The following BMP2K variants were observed in gnomAD, a reference collection of about 807,000 sequenced individuals.
The protein encoded by BMP2K is BMP-2-inducible protein kinase.
BMP2K carries 74 observed loss-of-function variants against 116.0 expected under a neutral mutation model. The observed-to-expected ratio is 0.64, with a 90% confidence interval of 0.53 to 0.77. The LOEUF (loss-of-function observed/expected upper bound fraction) is 0.77. Among genes scored for constraint, BMP2K ranks in the 30% least tolerant of loss-of-function variants. The pLI is 0.00. For synonymous variants in BMP2K, 486 were observed against 502.5 expected (o/e 0.97, Z 0.44); for missense variants, 1,365 against 1,403.6 (o/e 0.97, Z 0.44).
chr4:78,778,893 A>G (rs925511724), intron 1 of BMP2K, among the ~76,000 whole-genome samples: 5 of 152,242 alleles, frequency 3.3e-5, no homozygotes, highest in Non-Finnish European at 5.9e-5. Context: ...GCAAAGCGGT[A>G]GAAGCTAAGA....
At chr4:78,788,843 C>T (rs1727863212) in intron 1 of BMP2K, among the ~76,000 whole-genome samples, 2 of 150,332 alleles carry the variant, frequency 1.3e-5, no homozygotes, top group Admixed American at 1.3e-4. Context: ...CTTGAGAAAC[C>T]CTTATATACA....
intron 3 of BMP2K, among the ~76,000 whole-genome samples, chr4:78,835,434 G>A (rs1397150971): frequency 6.6e-6 from 1 of 151,796 alleles, no homozygotes; most frequent in South Asian, 2.1e-4. Flanking sequence ...GACCATCCTG[G>A]CTAACACGGT....
chr4:78,894,054 G>C (rs1733576589), intron 15 of BMP2K, among the ~76,000 whole-genome samples: 1 of 152,142 alleles, frequency 6.6e-6, no homozygotes, highest in Admixed American at 6.5e-5. Context: ...TTCAAGAGTG[G>C]GTTTCAAATA....
Position 78,878,832 on chromosome 4 carries a change from A to C in BMP2K, c.1892A>C (p.Asn631Thr), listed in dbSNP as rs750243768. The change falls in exon 14 of 16, where the codon AAT becomes ACT. Residue 631 changes from asparagine (N) to threonine (T), a missense_variant. Transcript: ENST00000502613. ...MSGWNPFGED[N>T]FSKLTEEELL... ...GGGTGGAATCCTTTTGGAGAGGATA[A>C]TTTCTCTAAGTTAACAGAAGAGGAA... 8.1e-6 allele frequency: 13 copies of C among 1,613,434 alleles called. No individual in the cohort carries two copies. The highest frequency in any genetic ancestry group is 1.1e-5 in the Non-Finnish European group (13 of 1,179,796).
chr4:78,839,868 G>T (rs1433204853), intron 3 of BMP2K, among the ~76,000 whole-genome samples: 2 of 152,054 alleles, frequency 1.3e-5, no homozygotes, highest in African/African-American at 2.4e-5. Context: ...CAGCTGATTA[G>T]ATTGTGCCCA....
intron 8 of BMP2K, chr4:78,860,158 A>T: frequency 4.3e-6 from 2 of 465,258 alleles, no homozygotes; most frequent in Admixed American, 5.4e-5. Flanking sequence ...ATAGATATAG[A>T]CAGTGGAGTA....
At chr4:78,848,400 G>A (rs1188722838) in intron 6 of BMP2K, among the ~76,000 whole-genome samples, 1 of 151,520 alleles carries the variant, frequency 6.6e-6, no homozygotes, top group East Asian at 1.9e-4. Flanking sequence ...TTATAATGTA[G>A]AAAGCAAATT....
Position 78,843,774 on chromosome 4 carries a change from A to AT in BMP2K, c.547-1148dup, listed in dbSNP as rs551828560. Among the ~76,000 whole-genome samples the AT allele has an allele frequency of 5.8e-4, 88 of 151,472 alleles. No individual in the cohort carries two copies. In the Middle Eastern group the frequency reaches 0.01, roughly 18 times the overall value. Reference sequence around the variant, plus strand: ...CCATTTCCCCTAATAATTTGATACCATTTTTTGTGCTATTATAGTTCATTA... The same window carrying AT: ...CCATTTCCCCTAATAATTTGATACCATTTTTTTGTGCTATTATAGTTCATTA... On this transcript the variant is annotated intron_variant, in intron 4 of 15. Transcript: ENST00000502613.
intron 9 of BMP2K, among the ~76,000 whole-genome samples, chr4:78,863,551 A>G (rs1731897675): frequency 6.6e-6 from 1 of 152,154 alleles, no homozygotes; most frequent in African/African-American, 2.4e-5. Flanking sequence ...GGAAACATTG[A>G]AGGATTTTAA....
intron 15 of BMP2K, among the ~76,000 whole-genome samples, chr4:78,893,854 A>G (rs1733568448): frequency 6.6e-6 from 1 of 152,200 alleles, no homozygotes; most frequent in Non-Finnish European, 1.5e-5. Flanking sequence ...GTGAGCCACC[A>G]AGCCCAGCTA....
At chr4:78,850,823 G>A (rs1731214728) in intron 6 of BMP2K, 101 bp from the exon 7 acceptor site, 4 of 1,229,132 alleles carry the variant, frequency 3.3e-6, no homozygotes, top group African/African-American at 1.5e-5. Context: ...GATTGCTGCA[G>A]TATAGAAACA....
chr4:78,829,785 C>CT (rs1178553443), intron 2 of BMP2K, among the ~76,000 whole-genome samples: 1 of 116,206 alleles, frequency 8.6e-6, no homozygotes, highest in African/African-American at 3.8e-5. Context: ...CTTTTCTTTT[C>CT]TTTTCTCTTC....
chr4:78,824,310 C>T (rs1018923555), intron 1 of BMP2K, among the ~76,000 whole-genome samples: 1 of 152,186 alleles, frequency 6.6e-6, no homozygotes, highest in Non-Finnish European at 1.5e-5. Context: ...GGCATACCCA[C>T]AACTGGGTAA....
chr4:78,893,835 G>T (rs1240813920), intron 15 of BMP2K, among the ~76,000 whole-genome samples: 1 of 152,172 alleles, frequency 6.6e-6, no homozygotes, highest in East Asian at 1.9e-4. Context: ...GAGTAGCTGG[G>T]ATTATAGTGT....
At chr4:78,807,756 T>C (rs569139379) in intron 1 of BMP2K, among the ~76,000 whole-genome samples, 2 of 151,058 alleles carry the variant, frequency 1.3e-5, no homozygotes, top group South Asian at 4.2e-4. Flanking sequence ...TTCTTTAATG[T>C]CAATAGTAAT....
intron 1 of BMP2K, among the ~76,000 whole-genome samples, chr4:78,798,235 G>C (rs1197571890): frequency 1.3e-5 from 2 of 152,198 alleles, no homozygotes; most frequent in Non-Finnish European, 2.9e-5. Context: ...GTGCCAGTAA[G>C]TCAGGTCCAT....
intron 1 of BMP2K, among the ~76,000 whole-genome samples, chr4:78,783,298 A>G (rs1203089138): frequency 6.6e-6 from 1 of 152,224 alleles, no homozygotes; most frequent in East Asian, 1.9e-4. Flanking sequence ...GACACTATAT[A>G]CAATATTAAC....
At position 78,893,643 on chromosome 4, in the gene BMP2K, G is replaced by T. The variant is rs530210971; in HGVS notation, c.2062+6359G>T. 4.0e-4 allele frequency among the ~76,000 whole-genome samples: 61 copies of T among 152,282 alleles called. 1 individual carries two copies. The highest frequency in any genetic ancestry group is 1.4e-3 in the African/African-American group (59 of 41,560). On this transcript the variant is annotated intron_variant, in intron 15 of 15. Transcript: ENST00000502613. ...AGTGGCATGGTCATAACTCACTATG[G>T]CCTCGAACTCCTGGGCTCCAGTGAT... is the stretch of plus-strand genomic sequence containing the variant.
chr4:78,885,204 C>A (rs528267850), intron 14 of BMP2K, among the ~76,000 whole-genome samples: 69 of 152,134 alleles, frequency 4.5e-4, no homozygotes, highest in Admixed American at 1.2e-3. Flanking sequence ...TTAAACAATC[C>A]AAAGTTTCAT....
Sources: gnomAD v4.1 joint callset for allele counts (sites outside exome capture counted in the v4.1 genomes callset) on GRCh38, gnomAD v4.1.1 for gene constraint, MANE v1.5 for transcripts, NCBI Gene and HGNC (gene_info 2026-07-23, HGNC 2026-07-21) for gene names.